TCEA2: variants seen among roughly 807,000 people sequenced by gnomAD.
TCEA2 encodes the protein transcription elongation factor A protein 2.
In TCEA2, 21 loss-of-function variants were observed where a neutral mutation model predicts 40.8. The observed-to-expected ratio is 0.51, with a 90% CI of 0.36 to 0.74. The LOEUF (loss-of-function observed/expected upper bound fraction) is 0.74. TCEA2 is among the 30% of genes least tolerant of loss of function. The pLI is 0.00. For missense variants in TCEA2, 326 were observed against 426.5 expected (o/e 0.76, Z 2.08); for synonymous variants, 165 against 162.7 (o/e 1.01, Z -0.11).
chr20:64,058,874 C>A (rs542370139), upstream of TCEA2, among the ~76,000 whole-genome samples: 2 of 152,234 alleles, frequency 1.3e-5, no homozygotes, highest in South Asian at 4.1e-4. The surrounding 1 kb of genome is among the most constrained non-coding windows in gnomAD (Gnocchi z 6.7). Flanking sequence ...ACGAACGACA[C>A]CTTTCTGCTA....
upstream of TCEA2, chr20:64,062,765 C>T (rs1164274253): frequency 1.3e-5 from 2 of 152,346 alleles, no homozygotes; most frequent in African/African-American, 4.8e-5. Flanking sequence ...AAACTGGGCT[C>T]TGGGAGGCTG....
intron 8 of TCEA2, 136 bp downstream of exon 8, chr20:64,070,771 A>T: frequency 1.6e-6 from 2 of 1,269,922 alleles, no homozygotes; most frequent in Non-Finnish European, 2.1e-6. Context: ...AGGCTAAGGC[A>T]TGATGGCCAC....
intron 4 of TCEA2, among the ~76,000 whole-genome samples, chr20:64,068,765 CAG>C (rs1012632597): frequency 3.3e-5 from 5 of 152,262 alleles, no homozygotes; most frequent in African/African-American, 1.2e-4. Flanking sequence ...CCAACTTCCA[CAG>C]AGGGGATGAG....
At chr20:64,071,722 C>A in intron 8 of TCEA2, 148 bp from the exon 9 acceptor site, 1 of 841,022 alleles carries the variant, frequency 1.2e-6, no homozygotes, top group African/African-American at 1.7e-5. Context: ...GGAGGCTCAG[C>A]TTTGGAAGGT....
chr20:64,072,094 G>A, intron 9 of TCEA2, 78 bp from the exon 10 acceptor site: 1 of 1,603,484 alleles, frequency 6.2e-7, no homozygotes, highest in Non-Finnish European at 8.5e-7. Flanking sequence ...GCCCAGCCTT[G>A]GGTGAGCCTG....
chr20:64,058,878 T>C (rs1458841359), upstream of TCEA2, among the ~76,000 whole-genome samples: 1 of 152,094 alleles, frequency 6.6e-6, no homozygotes, highest in Non-Finnish European at 1.5e-5. The surrounding 1 kb of genome is among the most constrained non-coding windows in gnomAD (Gnocchi z 6.7). Context: ...ACGACACCTT[T>C]CTGCTAGAGG....
At chr20:64,066,368 G>A (rs900424690) in intron 1 of TCEA2, 108 bp from the exon 2 acceptor site, 7 of 1,391,200 alleles carry the variant, frequency 5.0e-6, no homozygotes, top group Non-Finnish European at 7.0e-6. Context: ...ACCCCAGGTT[G>A]AATCTCCAAA....
At chr20:64,069,879 G>A in intron 6 of TCEA2, 58 bp downstream of exon 6, 4 of 1,593,356 alleles carry the variant, frequency 2.5e-6, no homozygotes, top group Non-Finnish European at 2.6e-6. Flanking sequence ...GAGGCTGCCT[G>A]GCCTGGTGCC....
chr20:64,057,365 G>A (rs1338548610), exon 1 of TCEA2: 8 of 152,422 alleles, frequency 5.2e-5, no homozygotes, highest in South Asian at 2.1e-4. Flanking sequence ...CCTCTGGGCC[G>A]GGTGAGAGAC....
At chr20:64,070,143 C>T (rs760143275) in intron 6 of TCEA2, 117 bp from the exon 7 acceptor site, 374 of 1,474,702 alleles carry the variant, frequency 2.5e-4, no homozygotes, top group Non-Finnish European at 3.1e-4. Flanking sequence ...GCAGACCGAC[C>T]CCTGTGTGGC....
chr20:64,063,030 T>TG (rs1200671969), upstream of TCEA2: 4 of 225,996 alleles, frequency 1.8e-5, no homozygotes, highest in Non-Finnish European at 2.6e-5. Flanking sequence ...CTGGCGACGG[T>TG]GGGTCAGGAC....
chr20:64,063,185 G>A (rs1161885345), upstream of TCEA2: 1 of 801,376 alleles, frequency 1.2e-6, no homozygotes, highest in Non-Finnish European at 1.7e-6. Flanking sequence ...TTTGAACCGG[G>A]GGTCTGTCGT....
chr20:64,063,084 T>G, upstream of TCEA2: 1 of 272,132 alleles, frequency 3.7e-6, no homozygotes, highest in Non-Finnish European at 6.7e-6. Flanking sequence ...CGCCTGGGAG[T>G]TGTGGTCCAG....
Position 64,067,984 on chromosome 20 carries a change from G to A in TCEA2, c.242-63G>A, listed in dbSNP as rs555411489. 4.7e-5 allele frequency: 61 copies of A among 1,295,924 alleles called. No individual in the cohort carries two copies. In the African/African-American group the frequency reaches 8.0e-4, roughly 17 times the overall value. 80.3% of individuals were successfully genotyped at this position (1,295,924 alleles called of 1,614,324 possible). A position where few individuals can be genotyped will look rare whatever the true frequency, so the allele number is the denominator to read the frequency against. ...GTCGGGCTGAGGCTGTACCTTGGTG[G>A]TGGTCTGTGCCCCTCCCTCCTCTGC... On this transcript the variant is annotated intron_variant, in intron 3 of 9. Coordinates refer to ENST00000343484, the MANE Select transcript of TCEA2 (RefSeq NM_003195.6).
chr20:64,065,338 C>T lies in TCEA2; in HGVS notation c.73-1138C>T, dbSNP rs186059786. Reference sequence around the variant, plus strand: ...ACCCGGATTGCTGGGGTTGTGCGGGCGGTAGGTGGGACAAGCCCCTCCCAT... The same window carrying T: ...ACCCGGATTGCTGGGGTTGTGCGGGTGGTAGGTGGGACAAGCCCCTCCCAT... On this transcript the variant is annotated intron_variant, in intron 1 of 9. Transcript: ENST00000343484. Among the ~76,000 whole-genome samples the T allele has an allele frequency of 4.8e-3, 734 of 152,206 alleles. 18 individuals carry two copies. The highest frequency in any genetic ancestry group is 0.038 in the Admixed American group (585 of 15,288).
intron 6 of TCEA2, 106 bp downstream of exon 6, chr20:64,069,927 G>A (rs1414049164): frequency 2.1e-6 from 3 of 1,395,986 alleles, no homozygotes; most frequent in Non-Finnish European, 3.0e-6. Flanking sequence ...CAGCTGTCCA[G>A]GGGTCACCTG....
At chr20:64,056,025 G>A (rs1251311764), upstream of TCEA2, among the ~76,000 whole-genome samples, 1 of 152,000 alleles carries the variant, frequency 6.6e-6, no homozygotes, top group Non-Finnish European at 1.5e-5. Flanking sequence ...GGGCTGGCAG[G>A]GCTGCATTTC....
chr20:64,065,155 A>T (rs7262211), intron 1 of TCEA2, among the ~76,000 whole-genome samples: 31,271 of 151,992 alleles, frequency 0.21, 3,344 homozygotes, highest in Non-Finnish European at 0.23. Flanking sequence ...TTGCCTCTGG[A>T]CCTGAGCCCA....
chr20:64,065,139 G>T lies in TCEA2; in HGVS notation c.73-1337G>T, dbSNP rs372692154. On this transcript the variant is annotated intron_variant, in intron 1 of 9. Coordinates refer to ENST00000343484, the MANE Select transcript of TCEA2 (RefSeq NM_003195.6). ...GGGGACCTGGGGGCCAGGTGTGGGG[G>T]TTTTTTTGCCTCTGGACCTGAGCCC... Among the ~76,000 whole-genome samples, 200 of 152,214 alleles carry T rather than the reference G, an allele frequency of 1.3e-3. 1 individual carries two copies. Among genetic ancestry groups the T allele is most frequent in the East Asian group, 5.8e-3 (30 of 5,180 alleles).
Sources: allele counts gnomAD v4.1 joint callset (sites outside exome capture counted in the v4.1 genomes callset), GRCh38; gene constraint gnomAD v4.1.1; non-coding constraint Gnocchi (gnomAD v3.1); transcripts MANE v1.5; gene names NCBI Gene and HGNC (gene_info 2026-07-23, HGNC 2026-07-21).